The following RAPGEF4 variants were observed in gnomAD, a reference collection of about 807,000 sequenced individuals.
RAPGEF4 encodes Rap guanine nucleotide exchange factor 4, also known as RAP guanine-nucleotide-exchange factor (GEF) 4.
Under a neutral mutation model 147.9 loss-of-function variants are expected in RAPGEF4, and 66 were observed. That is an observed-to-expected ratio of 0.45 (90% CI 0.37 to 0.55). RAPGEF4 has a LOEUF of 0.55. Among genes scored for constraint, RAPGEF4 ranks in the 20% least tolerant of loss-of-function variants. RAPGEF4 has a pLI of 0.00. For synonymous variants in RAPGEF4, 419 were observed against 442.7 expected (o/e 0.95, Z 0.67); for missense variants, 1,071 against 1,257.3 (o/e 0.85, Z 2.24).
intron 1 of RAPGEF4, among the ~76,000 whole-genome samples, chr2:172,791,798 C>T (rs10206361): frequency 0.34 from 51,416 of 152,046 alleles, 9,164 homozygotes; most frequent in Middle Eastern, 0.47. Context: ...TTGTTTTGGA[C>T]TGTATAGAAG....
intron 30 of RAPGEF4, among the ~76,000 whole-genome samples, chr2:173,051,165 G>A (rs1472401064): frequency 2.6e-5 from 4 of 152,146 alleles, no homozygotes; most frequent in Non-Finnish European, 5.9e-5. Context: ...AGTAAAGAGG[G>A]GAGTCAGGAC....
At chr2:172,976,574 G>A (rs936595487) in intron 10 of RAPGEF4, among the ~76,000 whole-genome samples, 4 of 152,134 alleles carry the variant, frequency 2.6e-5, no homozygotes, top group East Asian at 1.9e-4. Flanking sequence ...TAGAAACCTC[G>A]AAGCTTGACC....
intron 4 of RAPGEF4, among the ~76,000 whole-genome samples, chr2:172,912,212 C>G (rs751032317): frequency 1.3e-5 from 2 of 152,218 alleles, no homozygotes; most frequent in African/African-American, 2.4e-5. Context: ...TTATTAGTTA[C>G]TGTCTCTGTT....
chr2:172,981,057 C>G (rs1691630290), intron 10 of RAPGEF4, among the ~76,000 whole-genome samples: 3 of 152,164 alleles, frequency 2.0e-5, no homozygotes. Flanking sequence ...CCCAAAATTA[C>G]AACTTTGAAT....
chr2:172,766,012 G>A (rs946130584), intron 1 of RAPGEF4, among the ~76,000 whole-genome samples: 7 of 152,100 alleles, frequency 4.6e-5, no homozygotes, highest in African/African-American at 7.2e-5. Context: ...CCTGGACTGT[G>A]GTGTTGAAAG....
At chr2:172,741,653 A>G (rs552849410) in intron 1 of RAPGEF4, among the ~76,000 whole-genome samples, 5 of 152,186 alleles carry the variant, frequency 3.3e-5, no homozygotes, top group Non-Finnish European at 7.3e-5. Flanking sequence ...AAGAAATAGC[A>G]GTATGATTCT....
chr2:172,992,708 A>G (rs955351092), intron 15 of RAPGEF4, among the ~76,000 whole-genome samples: 1 of 152,234 alleles, frequency 6.6e-6, no homozygotes, highest in Non-Finnish European at 1.5e-5. Flanking sequence ...CTGATTTTCT[A>G]TTATATCTCC....
At chr2:172,807,921 A>C (rs1467600385) in intron 3 of RAPGEF4, among the ~76,000 whole-genome samples, 3 of 152,268 alleles carry the variant, frequency 2.0e-5, no homozygotes, top group Non-Finnish European at 4.4e-5. Context: ...AAATGTGCAT[A>C]ATAAGATGAT....
At chr2:172,841,079 G>C (rs1691535030) in intron 4 of RAPGEF4, among the ~76,000 whole-genome samples, 1 of 152,206 alleles carries the variant, frequency 6.6e-6, no homozygotes, top group Non-Finnish European at 1.5e-5. Flanking sequence ...TGCATGCTAT[G>C]GTTTGGATAT....
intron 1 of RAPGEF4, among the ~76,000 whole-genome samples, chr2:172,739,842 T>C (rs1368949145): frequency 2.0e-5 from 3 of 152,234 alleles, no homozygotes; most frequent in Admixed American, 6.5e-5. Context: ...GCATTCATCA[T>C]GATGGGACAG....
At chr2:172,804,322 C>T (rs1359599603) in intron 3 of RAPGEF4, among the ~76,000 whole-genome samples, 4 of 152,174 alleles carry the variant, frequency 2.6e-5, no homozygotes, top group East Asian at 1.9e-4. Context: ...CACACAGCTT[C>T]TTCTGTGTAA....
chr2:172,976,254 A>T (rs1218619063), intron 10 of RAPGEF4, among the ~76,000 whole-genome samples: 2 of 152,142 alleles, frequency 1.3e-5, no homozygotes, highest in African/African-American at 2.4e-5. Flanking sequence ...GCTGGGTAGG[A>T]CACTTTAAAT....
intron 4 of RAPGEF4, among the ~76,000 whole-genome samples, chr2:172,896,909 G>A (rs1185518958): frequency 6.6e-6 from 1 of 152,166 alleles, no homozygotes; most frequent in Non-Finnish European, 1.5e-5. Flanking sequence ...TATAGGTACT[G>A]AGAAATCGAC....
intron 4 of RAPGEF4, among the ~76,000 whole-genome samples, chr2:172,899,121 A>T (rs1420789543): frequency 1.3e-5 from 2 of 152,246 alleles, no homozygotes; most frequent in African/African-American, 4.8e-5. Context: ...TGAAAAACAC[A>T]CATTCATGTT....
intron 4 of RAPGEF4, among the ~76,000 whole-genome samples, chr2:172,830,892 C>T (rs1690227924): frequency 6.6e-6 from 1 of 152,108 alleles, no homozygotes; most frequent in Non-Finnish European, 1.5e-5. Flanking sequence ...GTATGCTTCT[C>T]ACCCTCCCCT....
chr2:172,947,871 A>C (rs1687834444), intron 6 of RAPGEF4, among the ~76,000 whole-genome samples: 1 of 152,196 alleles, frequency 6.6e-6, no homozygotes, highest in East Asian at 1.9e-4. Flanking sequence ...AGGTCAGTAC[A>C]TTTTCACAAA....
At chr2:173,026,527 T>C (rs377232687) in intron 23 of RAPGEF4, 45 bp from the exon 24 acceptor site, 15 of 1,591,894 alleles carry the variant, frequency 9.4e-6, no homozygotes, top group Non-Finnish European at 1.3e-5. Flanking sequence ...GCTAAATACT[T>C]GTCTGTGTTG....
At chr2:172,782,807 A>G (rs1474981514) in intron 1 of RAPGEF4, among the ~76,000 whole-genome samples, 1 of 152,174 alleles carries the variant, frequency 6.6e-6, no homozygotes, top group Non-Finnish European at 1.5e-5. Context: ...CAGAGGGACA[A>G]TTATGGTAGA....
At chr2:172,856,726 A>G (rs556663658) in intron 4 of RAPGEF4, among the ~76,000 whole-genome samples, 5 of 152,268 alleles carry the variant, frequency 3.3e-5, no homozygotes, top group East Asian at 1.9e-4. Context: ...AGATTTGGTC[A>G]GATCTCATGT....
Sources: gnomAD v4.1 joint callset for allele counts (sites outside exome capture counted in the v4.1 genomes callset) on GRCh38, gnomAD v4.1.1 for gene constraint, MANE v1.5 for transcripts, NCBI Gene and HGNC (gene_info 2026-07-23, HGNC 2026-07-21) for gene names.